MAST4: variants seen among roughly 807,000 people sequenced by gnomAD.
The protein encoded by MAST4 is microtubule associated serine/threonine kinase family member 4.
A neutral mutation model predicts 162.7 loss-of-function variants in MAST4; 89 were observed. The ratio of observed to expected loss-of-function variants is 0.55; its 90% CI spans 0.46 to 0.65. MAST4 has a LOEUF of 0.65. Ranked by LOEUF, MAST4 falls within the 30% of genes least tolerant of loss-of-function variation. The probability of loss-of-function intolerance (pLI) is 0.00; values close to 1 mark genes in which losing one functional copy is unlikely to be tolerated. For missense variants in MAST4, 3,153 were observed against 3,374.0 expected (o/e 0.93, Z 1.62); for synonymous variants, 1,479 against 1,361.1 (o/e 1.09, Z -1.91).
intron 12 of MAST4, among the ~76,000 whole-genome samples, chr5:67,115,800 C>T (rs559607511): frequency 6.6e-6 from 1 of 152,240 alleles, no homozygotes; most frequent in African/African-American, 2.4e-5. Flanking sequence ...CTACCCACTG[C>T]TTACAAATAA....
In MAST4 at chr5:66,633,760, C is replaced by T. The variant is rs533111174; in HGVS notation, c.363+36742C>T. On this transcript the variant is annotated intron_variant, in intron 1 of 28. Coordinates refer to ENST00000403625, the MANE Select transcript of MAST4 (RefSeq NM_001164664.2). ...TCAATTTATTTTTTTAAATATATGC[C>T]TATCATCTTCATTTTTTCGTATATG... Among the ~76,000 whole-genome samples the T allele has an allele frequency of 3.3e-5, 5 of 152,248 alleles. No individual in the cohort carries two copies. In the South Asian group the frequency reaches 1.0e-3, roughly 32 times the overall value.
rs771083969 is a variant in MAST4, at chr5:67,063,191, A to G, written c.763+8699A>G. ...TTTTTTTGTCTTTAGCCTTTGTGTA[A>G]TTGCCAATTGTTACTTAAGTAATGA... On this transcript the variant is annotated intron_variant, in intron 5 of 28. Coordinates refer to ENST00000403625, the MANE Select transcript of MAST4 (RefSeq NM_001164664.2). 7.3e-5 allele frequency among the ~76,000 whole-genome samples: 11 copies of G among 151,594 alleles called. No individual in the cohort carries two copies. In the South Asian group the frequency reaches 8.3e-4, roughly 11 times the overall value.
At chr5:66,649,029 AT>A (rs1453031769) in intron 1 of MAST4, among the ~76,000 whole-genome samples, 3 of 152,124 alleles carry the variant, frequency 2.0e-5, no homozygotes, top group Non-Finnish European at 2.9e-5. Flanking sequence ...TATGCTTTAG[AT>A]TTCAAAAAGT....
intron 26 of MAST4, among the ~76,000 whole-genome samples, chr5:67,155,068 G>T (rs907181100): frequency 2.0e-5 from 3 of 152,240 alleles, no homozygotes; most frequent in African/African-American, 7.2e-5. Context: ...CCTGACAGGG[G>T]TGTAGGTGTA....
At chr5:67,162,979 A>G (rs1349532608) in intron 28 of MAST4, among the ~76,000 whole-genome samples, 168 bp from the exon 29 acceptor site, 3 of 152,206 alleles carry the variant, frequency 2.0e-5, no homozygotes. Context: ...GTATGGGGCT[A>G]AACCTTGGCC....
chr5:66,913,902 T>A (rs992093668), intron 4 of MAST4, among the ~76,000 whole-genome samples: 5 of 152,220 alleles, frequency 3.3e-5, no homozygotes, highest in Admixed American at 6.5e-5. Flanking sequence ...TATTTCTTTC[T>A]CCTCTGAAAT....
At chr5:66,751,279 G>T (rs370974936) in intron 1 of MAST4, among the ~76,000 whole-genome samples, 1 of 152,080 alleles carries the variant, frequency 6.6e-6, no homozygotes, top group South Asian at 2.1e-4. Context: ...ACCAGCAACG[G>T]AACAAAGCTG....
intron 4 of MAST4, among the ~76,000 whole-genome samples, chr5:67,035,206 T>A (rs773143703): frequency 6.6e-6 from 1 of 152,156 alleles, no homozygotes; most frequent in Non-Finnish European, 1.5e-5. Flanking sequence ...TGGCTTGGCT[T>A]TGATTAGCGT....
chr5:66,803,276 T>A (rs1013910389), intron 3 of MAST4, among the ~76,000 whole-genome samples: 25 of 152,224 alleles, frequency 1.6e-4, no homozygotes, highest in Non-Finnish European at 3.4e-4. Flanking sequence ...AATGTCACAC[T>A]TCATTAATTA....
Position 66,624,310 on chromosome 5 carries a change from G to A in MAST4, c.363+27292G>A, listed in dbSNP as rs145061799. Among the ~76,000 whole-genome samples, 886 of 151,632 alleles carry A rather than the reference G, an allele frequency of 5.8e-3. 4 individuals carry two copies. The highest frequency in any genetic ancestry group is 9.4e-3 in the Non-Finnish European group (641 of 67,896). ...TGGGACTACAGGTGCATGCTGCCAC[G>A]CCTGGCTAATTTTTTTGTATTTTTA... On this transcript the variant is annotated intron_variant, in intron 1 of 28. Coordinates refer to ENST00000403625, the MANE Select transcript of MAST4 (RefSeq NM_001164664.2).
chr5:67,005,465 C>T (rs1223483018), intron 4 of MAST4, among the ~76,000 whole-genome samples: 1 of 152,160 alleles, frequency 6.6e-6, no homozygotes, highest in Non-Finnish European at 1.5e-5. Context: ...TCGTTGAGCC[C>T]TTCAGATGTT....
At chr5:67,142,565 C>G in intron 21 of MAST4, 32 bp downstream of exon 21, 4 of 1,397,098 alleles carry the variant, frequency 2.9e-6, no homozygotes, top group Non-Finnish European at 4.0e-6. Context: ...CATACAGAGT[C>G]TCTCTGGGAG....
intron 2 of MAST4, among the ~76,000 whole-genome samples, chr5:66,764,248 C>T (rs755956769): frequency 6.6e-6 from 1 of 152,152 alleles, no homozygotes; most frequent in Non-Finnish European, 1.5e-5. Flanking sequence ...TGTCTACCTT[C>T]TTCTTTAGAC....
intron 4 of MAST4, among the ~76,000 whole-genome samples, chr5:66,995,888 T>C (rs900782278): frequency 8.8e-5 from 13 of 147,316 alleles, no homozygotes; most frequent in Admixed American, 2.7e-4. Context: ...CACACTCACA[T>C]ACACACACAC....
At chr5:67,134,457 G>A in intron 17 of MAST4, 66 bp from the exon 18 acceptor site, 2 of 1,449,500 alleles carry the variant, frequency 1.4e-6, no homozygotes, top group Middle Eastern at 1.8e-4. Context: ...TTGGTGACTA[G>A]CCATCTTGCT....
chr5:67,045,924 C>A (rs114630533), intron 4 of MAST4, among the ~76,000 whole-genome samples: 86 of 152,246 alleles, frequency 5.6e-4, no homozygotes, highest in African/African-American at 2.0e-3. Flanking sequence ...CGATTGTCCC[C>A]CAGGCAAGGT....
intron 1 of MAST4, among the ~76,000 whole-genome samples, chr5:66,634,561 T>G (rs958029376): frequency 1.3e-5 from 2 of 152,238 alleles, no homozygotes; most frequent in Non-Finnish European, 2.9e-5. Context: ...GATTCCTTTT[T>G]CCTGCTGATT....
intron 4 of MAST4, among the ~76,000 whole-genome samples, chr5:66,998,065 G>A (rs1041291836): frequency 6.6e-6 from 1 of 152,200 alleles, no homozygotes; most frequent in African/African-American, 2.4e-5. Flanking sequence ...AACTTTAGAT[G>A]TATGACCTGG....
chr5:66,723,016 G>A (rs1751310030), intron 1 of MAST4, among the ~76,000 whole-genome samples: 1 of 152,154 alleles, frequency 6.6e-6, no homozygotes, highest in African/African-American at 2.4e-5. Flanking sequence ...ATAAGCAGAA[G>A]CATGGGTATA....
Sources: allele counts gnomAD v4.1 joint callset (sites outside exome capture counted in the v4.1 genomes callset), GRCh38; gene constraint gnomAD v4.1.1; transcripts MANE v1.5; gene names NCBI Gene and HGNC (gene_info 2026-07-23, HGNC 2026-07-21).